TNRC6B: variants seen among roughly 807,000 people sequenced by gnomAD.
TNRC6B encodes the protein trinucleotide repeat containing adaptor 6B, also known as trinucleotide repeat-containing gene 6B protein.
TNRC6B carries 52 observed loss-of-function variants against 203.6 expected under a neutral mutation model. The observed-to-expected ratio is 0.26, with a 90% confidence interval of 0.20 to 0.32. The LOEUF is 0.32. Among genes scored for constraint, TNRC6B ranks in the 10% least tolerant of loss-of-function variants. TNRC6B has a pLI of 1.00. For synonymous variants in TNRC6B, 838 were observed against 845.7 expected (o/e 0.99, Z 0.16); for missense variants, 1,923 against 2,286.2 (o/e 0.84, Z 3.24).
At chr22:40,072,590 A>G (rs1197412926) in intron 1 of TNRC6B, among the ~76,000 whole-genome samples, 2 of 152,108 alleles carry the variant, frequency 1.3e-5, no homozygotes, top group Admixed American at 6.6e-5. Flanking sequence ...TTGGCCTGGC[A>G]AGGTGGCTGA....
At chr22:40,305,200 G>A (rs936950111) in intron 15 of TNRC6B, among the ~76,000 whole-genome samples, 2 of 152,194 alleles carry the variant, frequency 1.3e-5, no homozygotes. Flanking sequence ...TTGCATGAAT[G>A]ATAAAAGCAG....
intron 4 of TNRC6B, among the ~76,000 whole-genome samples, chr22:40,162,847 T>A (rs1015810910): frequency 2.6e-5 from 4 of 152,150 alleles, no homozygotes; most frequent in African/African-American, 9.7e-5. Flanking sequence ...AATTGGTACT[T>A]TGAAAATGCC....
At position 40,181,971 on chromosome 22, in the gene TNRC6B, C is replaced by T. The variant is rs1228972650; in HGVS notation, c.5+3831C>T. Reference sequence around the variant, plus strand: ...GAGAAAAAAAAAAAAGCCAGCCGGGCGTGGTGGCTCACGCCTGTAATCCCA... The same window carrying T: ...GAGAAAAAAAAAAAAGCCAGCCGGGTGTGGTGGCTCACGCCTGTAATCCCA... On this transcript the variant is annotated intron_variant, in intron 1 of 22. Transcript: ENST00000454349. Among the ~76,000 whole-genome samples the T allele has an allele frequency of 7.4e-5, 11 of 148,938 alleles. No individual in the cohort carries two copies. In the East Asian group the frequency reaches 1.4e-3, roughly 19 times the overall value.
intron 3 of TNRC6B, among the ~76,000 whole-genome samples, chr22:40,147,630 G>A (rs1436822761): frequency 6.6e-6 from 1 of 152,178 alleles, no homozygotes; most frequent in East Asian, 1.9e-4. Flanking sequence ...TTTTATAACA[G>A]CGTGAATTTA....
chr22:40,308,095 G>C (rs2071115597), intron 15 of TNRC6B, among the ~76,000 whole-genome samples: 1 of 152,114 alleles, frequency 6.6e-6, no homozygotes, highest in Admixed American at 6.5e-5. Flanking sequence ...TGAGGCCCTA[G>C]ATCACATCTT....
At chr22:40,132,961 A>ATATATAT (rs1170193498) in intron 3 of TNRC6B, among the ~76,000 whole-genome samples, 6 of 95,626 alleles carry the variant, frequency 6.3e-5, no homozygotes, top group African/African-American at 1.7e-4. Flanking sequence ...AAAAAAAAAA[A>ATATATAT]AAAAAAAAAT....
chr22:40,255,607 A>G (rs1352572811), intron 3 of TNRC6B, among the ~76,000 whole-genome samples: 1 of 152,228 alleles, frequency 6.6e-6, no homozygotes, highest in African/African-American at 2.4e-5. Flanking sequence ...GTATTACAAG[A>G]CATGTGGCTC....
intron 1 of TNRC6B, among the ~76,000 whole-genome samples, chr22:40,237,790 G>A (rs1209950860): frequency 6.6e-6 from 1 of 151,888 alleles, no homozygotes. Context: ...CCTCATGGAA[G>A]GCAGCCCCCT....
chr22:40,151,739 TG>T (rs994009555), intron 3 of TNRC6B, among the ~76,000 whole-genome samples: 1 of 149,782 alleles, frequency 6.7e-6, no homozygotes, highest in African/African-American at 2.5e-5. Flanking sequence ...AAAATAAAGT[TG>T]AGAGAACCTC....
At chr22:40,080,079 G>A in intron 1 of TNRC6B, among the ~76,000 whole-genome samples, 1 of 148,664 alleles carries the variant, frequency 6.7e-6, no homozygotes. Flanking sequence ...ACAGACGTGA[G>A]CCACCGTGCC....
intron 7 of TNRC6B, among the ~76,000 whole-genome samples, chr22:40,275,749 A>T (rs1460400714): frequency 6.6e-6 from 1 of 151,634 alleles, no homozygotes; most frequent in Non-Finnish European, 1.5e-5. Context: ...ACCTGAGGTC[A>T]AGAGTTCAAG....
chr22:40,069,754 C>G (rs946260191), intron 1 of TNRC6B, among the ~76,000 whole-genome samples: 4 of 152,196 alleles, frequency 2.6e-5, no homozygotes, highest in African/African-American at 9.7e-5. Context: ...CCCAAAAGTG[C>G]TGGGATTACA....
chr22:40,062,757 A>C (rs1260668449), intron 1 of TNRC6B, among the ~76,000 whole-genome samples: 1 of 152,098 alleles, frequency 6.6e-6, no homozygotes, highest in African/African-American at 2.4e-5. Flanking sequence ...TTTGTATATT[A>C]TTGTTGGAGA....
intron 1 of TNRC6B, among the ~76,000 whole-genome samples, chr22:40,104,289 T>G (rs944139259): frequency 1.3e-5 from 2 of 152,128 alleles, no homozygotes; most frequent in African/African-American, 4.8e-5. Context: ...CATTATCATT[T>G]GAGCCCTACA....
intron 1 of TNRC6B, among the ~76,000 whole-genome samples, chr22:40,055,991 A>G (rs930786016): frequency 2.0e-5 from 3 of 152,242 alleles, no homozygotes; most frequent in Non-Finnish European, 2.9e-5. Context: ...GATTTGAAAA[A>G]GGGAGATTAA....
At chr22:40,155,873 G>A (rs1358588952) in intron 3 of TNRC6B, among the ~76,000 whole-genome samples, 1 of 152,138 alleles carries the variant, frequency 6.6e-6, no homozygotes, top group Non-Finnish European at 1.5e-5. Context: ...ATTCATCACC[G>A]TTCTTTTATA....
intron 1 of TNRC6B, among the ~76,000 whole-genome samples, chr22:40,078,423 C>G (rs541543027): frequency 6.6e-6 from 1 of 152,076 alleles, no homozygotes; most frequent in East Asian, 1.9e-4. Context: ...ACTTGGGAGG[C>G]TGAGGCAGGA....
rs373838599 is a variant in TNRC6B at position 40,262,052 on chromosome 22, A to G, written c.336A>G (p.Pro112=). ...KVLLKRGQPP[P]PSCMLLGGGA... is the part of the protein sequence containing the mutation. The stretch of plus-strand genomic sequence containing the variant: ...TACTAAAACGTGGGCAGCCCCCTCC[A>G]CCGTCCTGCATGCTCCTTGGGGGTG... Residue 112 remains proline (P), a synonymous_variant, in exon 4 of 23, where the codon CCA becomes CCG. Coordinates refer to ENST00000454349, the MANE Select transcript of TNRC6B (RefSeq NM_001162501.2). 2.5e-4 allele frequency: 402 copies of G among 1,595,106 alleles called. 2 individuals carry two copies. Among genetic ancestry groups the G allele is most frequent in the Middle Eastern group, 1.8e-3 (11 of 6,020 alleles).
At chr22:40,066,611 CAAAAT>C (rs1247192501) in intron 1 of TNRC6B, among the ~76,000 whole-genome samples, 1 of 151,982 alleles carries the variant, frequency 6.6e-6, no homozygotes, top group Non-Finnish European at 1.5e-5. Flanking sequence ...AGTTTGGAAA[CAAAAT>C]AAGAGTTGCA....
Sources: gnomAD v4.1 joint callset for allele counts (sites outside exome capture counted in the v4.1 genomes callset) on GRCh38, gnomAD v4.1.1 for gene constraint, MANE v1.5 for transcripts, NCBI Gene and HGNC (gene_info 2026-07-23, HGNC 2026-07-21) for gene names.